The following SMG5 variants were observed in gnomAD, a reference collection of about 807,000 sequenced individuals.
The protein encoded by SMG5 is nonsense-mediated mRNA decay factor SMG5.
SMG5 carries 53 observed loss-of-function variants against 122.9 expected under a neutral mutation model. The ratio of observed to expected loss-of-function variants is 0.43; its 90% CI spans 0.35 to 0.54. The LOEUF (loss-of-function observed/expected upper bound fraction) is 0.54, where lower values mean the gene tolerates loss of function less well. SMG5 is among the 20% of genes least tolerant of loss of function. The pLI is 0.01. For missense variants in SMG5, 1,153 were observed against 1,285.6 expected (o/e 0.90, Z 1.58); for synonymous variants, 477 against 490.2 (o/e 0.97, Z 0.35).
upstream of SMG5, chr1:156,285,492 C>T (rs370887213): frequency 6.5e-5 from 105 of 1,614,048 alleles, no homozygotes; most frequent in Non-Finnish European, 8.3e-5. Context: ...GCTCCGTTCC[C>T]GGATCCCCCT....
upstream of SMG5, among the ~76,000 whole-genome samples, chr1:156,287,531 T>C (rs1180575366): frequency 2.0e-5 from 3 of 151,756 alleles, no homozygotes; most frequent in Non-Finnish European, 2.9e-5. Context: ...GGGATGGCCC[T>C]GGTAGAGGGT....
intron 12 of SMG5, among the ~76,000 whole-genome samples, chr1:156,265,036 T>TACAC (rs35457785): frequency 0.11 from 13,726 of 122,674 alleles, 968 homozygotes; most frequent in Middle Eastern, 0.2. Flanking sequence ...AAAAAAAAAA[T>TACAC]ACACACACAC....
chr1:156,254,725 G>T (rs1661501971), intron 16 of SMG5, among the ~76,000 whole-genome samples: 1 of 152,108 alleles, frequency 6.6e-6, no homozygotes, highest in African/African-American at 2.4e-5. Flanking sequence ...GATTACTGGT[G>T]CGAGCCACAG....
chr1:156,275,142 A>T (rs1219672493), intron 4 of SMG5, among the ~76,000 whole-genome samples: 2 of 151,456 alleles, frequency 1.3e-5, no homozygotes, highest in African/African-American at 4.8e-5. Flanking sequence ...AAAAAAAAAA[A>T]AAAAAAAAGC....
chr1:156,253,773 C>G lies in SMG5; in HGVS notation c.2443-265G>C. 3 of 508,168 alleles carry G rather than the reference C, an allele frequency of 5.9e-6. No individual in the cohort carries two copies. The South Asian group carries it at 6.3e-5, about 11-fold the overall frequency. The allele number at this position is 508,168 out of a possible 1,614,324, so 31.5% of individuals were successfully genotyped here. On this transcript the variant is annotated intron_variant, in intron 16 of 21. Transcript: ENST00000361813. ...GGAAGCAGACAGCCATGTGCCGTCA[C>G]CATGCAGGACATCACCTGGCTGTGC... is the stretch of plus-strand genomic sequence containing the variant.
At chr1:156,262,625 T>TG (rs1477411434) in intron 13 of SMG5, among the ~76,000 whole-genome samples, 1 of 152,140 alleles carries the variant, frequency 6.6e-6, no homozygotes, top group Non-Finnish European at 1.5e-5. Context: ...GTGCCCATAC[T>TG]GGAACACCTC....
At position 156,253,030 on chromosome 1, in the gene SMG5, A is replaced by T; in HGVS notation, c.2551T>A (p.Ser851Thr). 2 of 1,612,844 alleles carry T rather than the reference A, an allele frequency of 1.2e-6. No homozygotes were observed. Among genetic ancestry groups the T allele is most frequent in the Non-Finnish European group, 1.7e-6 (2 of 1,179,644 alleles). The change falls in exon 18 of 22, where the codon TCA (serine) becomes ACA (threonine). Residue 851 changes from serine to threonine, a missense_variant. Around this residue, in one of 5 missense-constraint regions of SMG5, gnomAD observed 140 missense variants for 227.8 expected, o/e 0.61. Coordinates refer to ENST00000361813, the MANE Select transcript of SMG5 (RefSeq NM_015327.3). ...GGGACGAGGTAGGGAGACATGGCTGACTGGGCCTTGGGCTGCTGCAGGCTG... is the reference window on the plus strand; with the variant it reads ...GGGACGAGGTAGGGAGACATGGCTGTCTGGGCCTTGGGCTGCTGCAGGCTG... ...EGSLQQPKAQ[S>T]AMSPYLVPDT...
At position 156,252,429 on chromosome 1, in the gene SMG5, A is replaced by C; in HGVS notation, c.2738T>G (p.Phe913Cys). 3 of 1,613,752 alleles carry C rather than the reference A, an allele frequency of 1.9e-6. No homozygotes were observed. The highest frequency in any genetic ancestry group is 2.5e-6 in the Non-Finnish European group (3 of 1,179,930). The change falls in exon 19 of 22, where the codon TTT becomes TGT. Residue 913 changes from phenylalanine to cysteine, a missense_variant. By Grantham distance (205) the Phe-to-Cys change is radical (BLOSUM62 -2). This residue lies in a region of SMG5 where 140 missense variants were observed against 227.8 expected (regional missense o/e 0.61). Coordinates refer to ENST00000361813, the MANE Select transcript of SMG5 (RefSeq NM_015327.3). ...RDGIRYLEAE[F>C]KKGNRYIRCQ... The stretch of plus-strand genomic sequence containing the variant: ...CCACACTCACCTGTTTCCTTTTTTA[A>C]ACTCTGCCTCCAGGTACCGAATCCC...
intron 7 of SMG5, among the ~76,000 whole-genome samples, chr1:156,271,566 GTTTTTTT>G (rs755111375): frequency 9.7e-5 from 8 of 82,284 alleles, no homozygotes; most frequent in African/African-American, 2.8e-4. Context: ...CCCTGAAGAG[GTTTTTTT>G]TTTTTTTTTT....
chr1:156,280,691 G>A (rs748436984), intron 1 of SMG5, among the ~76,000 whole-genome samples: 1 of 152,110 alleles, frequency 6.6e-6, no homozygotes, highest in South Asian at 2.1e-4. Flanking sequence ...TCCAAAAGAA[G>A]GTAAATAACC....
At chr1:156,273,473 G>T (rs745539186) in intron 5 of SMG5, 23 bp from the exon 6 acceptor site, 15 of 1,608,666 alleles carry the variant, frequency 9.3e-6, no homozygotes, top group Middle Eastern at 1.7e-4. Context: ...GAAAACGAAG[G>T]GAAACTCGAT....
rs1451248222 is a variant in SMG5, at chr1:156,249,517, T to A, written c.*1070A>T. On this transcript the variant is annotated 3_prime_UTR_variant, in exon 22 of 22. Coordinates refer to ENST00000361813, the MANE Select transcript of SMG5 (RefSeq NM_015327.3). The stretch of plus-strand genomic sequence containing the variant: ...CTCCCACACACAGCCCTGCTCTTGG[T>A]GCGCCATTCACTGCCCTGAGCTATT... The A allele has an allele frequency of 2.8e-6, 1 of 357,022 alleles. No homozygotes were observed. Among genetic ancestry groups the A allele is most frequent in the Non-Finnish European group, 5.6e-6 (1 of 178,618 alleles). The allele number at this position is 357,022 out of a possible 1,614,324, so 22.1% of individuals were successfully genotyped here. A position where few individuals can be genotyped will look rare whatever the true frequency, so the allele number is the denominator to read the frequency against.
upstream of SMG5, chr1:156,283,208 A>G (rs1572605065): frequency 5.1e-6 from 1 of 196,676 alleles, no homozygotes; most frequent in Non-Finnish European, 1.0e-5. Flanking sequence ...CTTTTCCCCC[A>G]TAATTTAAAC....
upstream of SMG5, chr1:156,285,292 A>T (rs1486090443): frequency 1.3e-6 from 2 of 1,573,178 alleles, no homozygotes; most frequent in Non-Finnish European, 1.7e-6. Flanking sequence ...AGAAGAGCTC[A>T]CCCCAGGCCT....
upstream of SMG5, chr1:156,284,532 G>A (rs1047082639): frequency 3.3e-5 from 5 of 152,570 alleles, no homozygotes; most frequent in African/African-American, 1.2e-4. Flanking sequence ...CAGGAGAGAA[G>A]GCATAGAAAA....
rs377555424 is a variant in SMG5, at chr1:156,268,197, A to G, written c.840-14T>C. The G allele has an allele frequency of 9.4e-5, 151 of 1,614,050 alleles. No homozygotes were observed. The highest frequency in any genetic ancestry group is 1.2e-4 in the Non-Finnish European group (140 of 1,180,022). ...ATGTCTTTACATCTGAAATGAGAAG[A>G]GCCCAAAGTAAATGCTGAATGGTCC... On this transcript the variant is annotated splice_polypyrimidine_tract_variant and intron_variant, in intron 8 of 21. Coordinates refer to ENST00000361813, the MANE Select transcript of SMG5 (RefSeq NM_015327.3).
chr1:156,252,359 G>GT, intron 19 of SMG5, 55 bp downstream of exon 19: 4 of 1,550,848 alleles, frequency 2.6e-6, no homozygotes, highest in Non-Finnish European at 3.6e-6. Flanking sequence ...ATAAGCATGT[G>GT]TTATCCAAAA....
rs201111667 is a variant in SMG5, at chr1:156,282,671, C to T, written c.10G>A (p.Gly4Ser). The T allele has an allele frequency of 1.4e-5, 22 of 1,604,578 alleles. No individual in the cohort carries two copies. In the East Asian group the frequency reaches 4.9e-4, roughly 36 times the overall value. Residue 4 changes from glycine (G) to serine (S), a missense_variant, in exon 1 of 22, where the codon GGC (glycine) becomes AGC (serine). Physicochemically the swap from Gly to Ser is moderately conservative, Grantham distance 56. Coordinates refer to ENST00000361813, the MANE Select transcript of SMG5 (RefSeq NM_015327.3). ...TCGCTGCTCTCCCCTGTGGGGGGGC[C>T]TTGGCTCATGGTGCCCGGGTCCGGG... Reference protein sequence around the residue: MSQGPPTGESSEPE... With the variant: MSQSPPTGESSEPE...
At chr1:156,258,808 A>C (rs887468302) in intron 16 of SMG5, among the ~76,000 whole-genome samples, 197 bp downstream of exon 16, 1 of 151,540 alleles carries the variant, frequency 6.6e-6, no homozygotes, top group East Asian at 1.9e-4. Context: ...AAAAAAAAAA[A>C]ACCCCTCTCA....
Sources: allele counts gnomAD v4.1 joint callset (sites outside exome capture counted in the v4.1 genomes callset), GRCh38; gene constraint gnomAD v4.1.1; regional missense constraint gnomAD v4.1.1; transcripts MANE v1.5; gene names NCBI Gene and HGNC (gene_info 2026-07-23, HGNC 2026-07-21).